The following LDLRAD4 variants were observed in gnomAD, a reference collection of about 807,000 sequenced individuals.
LDLRAD4 encodes the protein low-density lipoprotein receptor class A domain-containing protein 4.
A neutral mutation model predicts 17.0 loss-of-function variants in LDLRAD4; 5 were observed. The observed-to-expected ratio is 0.29, with a 90% CI of 0.15 to 0.62. The LOEUF (loss-of-function observed/expected upper bound fraction) is 0.62. Among genes scored for constraint, LDLRAD4 ranks in the 20% least tolerant of loss-of-function variants. The probability of loss-of-function intolerance (pLI) is 0.84; values close to 1 mark genes in which losing one functional copy is unlikely to be tolerated. For synonymous variants in LDLRAD4, 168 were observed against 171.8 expected, an observed-to-expected ratio of 0.98 and a Z score of 0.17; for missense variants, 340 against 424.7, an observed-to-expected ratio of 0.80 and a Z score of 1.75.
At chr18:13,249,834 C>T (rs185178085) in intron 1 of LDLRAD4, among the ~76,000 whole-genome samples, 1 of 152,160 alleles carries the variant, frequency 6.6e-6, no homozygotes, top group East Asian at 1.9e-4. Flanking sequence ...GGACCAATGT[C>T]TTGAAGCATT....
chr18:13,271,085 C>T (rs541417851), intron 1 of LDLRAD4, among the ~76,000 whole-genome samples: 1 of 152,270 alleles, frequency 6.6e-6, no homozygotes, highest in Admixed American at 6.5e-5. Context: ...ATTATTGGCT[C>T]AGTTTACCTA....
intron 1 of LDLRAD4, among the ~76,000 whole-genome samples, chr18:13,346,575 T>G (rs1289821256): frequency 6.6e-6 from 1 of 152,222 alleles, no homozygotes; most frequent in Non-Finnish European, 1.5e-5. Context: ...TGGAGAGTTC[T>G]GTAGATGTCT....
At chr18:13,620,559 G>A (rs1349986670) in intron 3 of LDLRAD4, among the ~76,000 whole-genome samples, 1 of 152,212 alleles carries the variant, frequency 6.6e-6, no homozygotes, top group Non-Finnish European at 1.5e-5. Flanking sequence ...GTCACTCTGT[G>A]TTGCTGGACT....
chr18:13,299,279 T>C (rs1567981375), intron 1 of LDLRAD4, among the ~76,000 whole-genome samples: 1 of 152,236 alleles, frequency 6.6e-6, no homozygotes, highest in Non-Finnish European at 1.5e-5. Context: ...CTGTTTGATA[T>C]CTTAAAGCAA....
chr18:13,587,571 A>G (rs2094952656), intron 3 of LDLRAD4, among the ~76,000 whole-genome samples: 1 of 152,182 alleles, frequency 6.6e-6, no homozygotes, highest in South Asian at 2.1e-4. Flanking sequence ...GACAATTTCA[A>G]TTACTTGCTT....
At chr18:13,224,708 C>T (rs2041672196) in intron 1 of LDLRAD4, among the ~76,000 whole-genome samples, 1 of 151,728 alleles carries the variant, frequency 6.6e-6, no homozygotes, top group Non-Finnish European at 1.5e-5. Flanking sequence ...TCTTGATCTC[C>T]TGACCTCATG....
In LDLRAD4 at chr18:13,387,775, C is replaced by T; in HGVS notation, c.40+13C>T. 6.2e-7 allele frequency: 1 copy of T among 1,612,724 alleles called. No individual in the cohort carries two copies. The highest frequency in any genetic ancestry group is 8.5e-7 in the Non-Finnish European group (1 of 1,178,782). ...AATGCTTTCACAGGTGAGCATGCTC[C>T]AGGTAATCCGAGGCTTTGCCTCCAC... On this transcript the variant is annotated intron_variant, in intron 2 of 5. Transcript: ENST00000359446.
At chr18:13,652,512 G>C (rs746684560) in exon 6 of LDLRAD4, 1 of 152,538 alleles carries the variant, frequency 6.6e-6, no homozygotes, top group East Asian at 1.9e-4. Flanking sequence ...ACAAACATTC[G>C]TGCTTACTTT....
chr18:13,246,887 A>G (rs1007988883), intron 1 of LDLRAD4, among the ~76,000 whole-genome samples: 3 of 152,184 alleles, frequency 2.0e-5, no homozygotes, highest in Non-Finnish European at 4.4e-5. Flanking sequence ...AGATCTTTGT[A>G]AACTAGGTTA....
intron 3 of LDLRAD4, chr18:13,490,808 G>T (rs867775591): frequency 6.6e-6 from 1 of 152,220 alleles, no homozygotes; most frequent in Non-Finnish European, 1.5e-5. Flanking sequence ...GGAGGGCCAG[G>T]CTTGTCAGGG....
intron 3 of LDLRAD4, among the ~76,000 whole-genome samples, chr18:13,476,809 T>A (rs2092952094): frequency 6.6e-6 from 1 of 152,170 alleles, no homozygotes; most frequent in South Asian, 2.1e-4. Context: ...TGGGACCTGC[T>A]TGGTGCCTGG....
rs371769945 is a variant in LDLRAD4 at position 13,456,179 on chromosome 18, T to C, written c.181+17795T>C. On this transcript the variant is annotated intron_variant, in intron 3 of 5. Coordinates refer to ENST00000359446, the Ensembl canonical transcript of LDLRAD4. ...AGGTGTCAGGTGCTGTGGTTTGAGG[T>C]GTGAATAAATAATTACCAAAATGAC... 7.2e-5 allele frequency among the ~76,000 whole-genome samples: 11 copies of C among 152,218 alleles called. No individual in the cohort carries two copies. The East Asian group carries it at 2.1e-3, about 29-fold the overall frequency.
intron 3 of LDLRAD4, among the ~76,000 whole-genome samples, chr18:13,620,045 C>T (rs1422539014): frequency 6.6e-6 from 1 of 152,032 alleles, no homozygotes; most frequent in African/African-American, 2.4e-5. Flanking sequence ...TCCAGAGAAC[C>T]CCTCGTCCAG....
At chr18:13,492,601 T>G (rs1280778457) in intron 3 of LDLRAD4, among the ~76,000 whole-genome samples, 1 of 152,200 alleles carries the variant, frequency 6.6e-6, no homozygotes, top group Non-Finnish European at 1.5e-5. Flanking sequence ...CAGACCCTAC[T>G]CAGGAGTGGG....
At chr18:13,566,763 G>A (rs929890958) in intron 3 of LDLRAD4, among the ~76,000 whole-genome samples, 1 of 152,174 alleles carries the variant, frequency 6.6e-6, no homozygotes, top group Admixed American at 6.5e-5. Flanking sequence ...CTTGACACAT[G>A]GGTTCTCCCC....
chr18:13,334,326 C>T (rs564703669), intron 1 of LDLRAD4, among the ~76,000 whole-genome samples: 2 of 152,284 alleles, frequency 1.3e-5, no homozygotes, highest in East Asian at 3.9e-4. Flanking sequence ...CAACCTCCAC[C>T]TCCTGGGTTC....
intron 1 of LDLRAD4, among the ~76,000 whole-genome samples, chr18:13,376,311 A>C (rs1453701601): frequency 6.6e-6 from 1 of 152,168 alleles, no homozygotes; most frequent in Non-Finnish European, 1.5e-5. Context: ...TCTAAAGAAG[A>C]CATGACTTTC....
chr18:13,648,070 G>A (rs1255952611), exon 6 of LDLRAD4: 1 of 152,272 alleles, frequency 6.6e-6, no homozygotes, highest in African/African-American at 2.4e-5. Context: ...CGGAGGCGAG[G>A]TGAGTGATTC....
intron 2 of LDLRAD4, among the ~76,000 whole-genome samples, chr18:13,392,980 AT>A (rs1420870852): frequency 7.2e-5 from 11 of 152,196 alleles, no homozygotes; most frequent in East Asian, 3.8e-4. Flanking sequence ...CTGAAAAAGA[AT>A]CACTTAAATG....
Sources: gnomAD v4.1 joint callset for allele counts (sites outside exome capture counted in the v4.1 genomes callset) on GRCh38, gnomAD v4.1.1 for gene constraint, MANE v1.5 for transcripts, NCBI Gene and HGNC (gene_info 2026-07-23, HGNC 2026-07-21) for gene names.